The following MAGI3 variants were observed in gnomAD, a reference collection of about 807,000 sequenced individuals.
MAGI3 encodes the protein membrane associated guanylate kinase, WW and PDZ domain containing 3.
A neutral mutation model predicts 121.8 loss-of-function variants in MAGI3; 43 were observed. The observed-to-expected ratio is 0.35, with a 90% CI of 0.28 to 0.46. The LOEUF is 0.46. Ranked by LOEUF, MAGI3 falls within the 20% of genes least tolerant of loss-of-function variation. The pLI is 1.00. For missense variants in MAGI3, 1,547 were observed against 1,797.3 expected, an observed-to-expected ratio of 0.86 and a Z score of 2.52; for synonymous variants, 553 against 639.3, an observed-to-expected ratio of 0.86 and a Z score of 2.04.
chr1:113,488,386 A>G (rs1187790509), intron 1 of MAGI3, among the ~76,000 whole-genome samples: 1 of 152,230 alleles, frequency 6.6e-6, no homozygotes, highest in African/African-American at 2.4e-5. Flanking sequence ...GGTCTTGCCC[A>G]TCAGATGAGG....
intron 3 of MAGI3, among the ~76,000 whole-genome samples, chr1:113,584,683 AC>A (rs1254899344): frequency 6.6e-6 from 1 of 152,036 alleles, no homozygotes; most frequent in Non-Finnish European, 1.5e-5. Flanking sequence ...ATCCTCATTT[AC>A]CCCCACCTTT....
rs1183571405 is a variant in MAGI3 at position 113,683,847 on chromosome 1, C to T, written c.4279C>T (p.His1427Tyr). The T allele has an allele frequency of 6.2e-7, 1 of 1,612,324 alleles. No individual in the cohort carries two copies. The highest frequency in any genetic ancestry group is 2.2e-5 in the East Asian group (1 of 44,846). The change falls in exon 21 of 21, where the codon CAC (histidine) becomes TAC (tyrosine). Residue 1427 changes from histidine to tyrosine, a missense_variant. Transcript: ENST00000307546. ...GGTAGTTTCAAACAAAACAGAAGAT[C>T]ACAAAGGGAAAGAACTAGAGGCAGC... ...EKVVSNKTEDHKGKELEAADK... is the reference protein window; with the variant it reads ...EKVVSNKTEDYKGKELEAADK...
chr1:113,469,444 A>G (rs1655440220), intron 1 of MAGI3, among the ~76,000 whole-genome samples: 1 of 152,246 alleles, frequency 6.6e-6, no homozygotes, highest in Admixed American at 6.5e-5. Context: ...TGGAATGAAG[A>G]AAGTTTACTT....
chr1:113,637,786 G>T (rs1570977961), intron 9 of MAGI3, among the ~76,000 whole-genome samples: 1 of 152,006 alleles, frequency 6.6e-6, no homozygotes, highest in African/African-American at 2.4e-5. Flanking sequence ...TGCCTTGCTA[G>T]GTTGGGGAAG....
rs1356830864 is a variant in MAGI3 at position 113,391,383 on chromosome 1, T to C, written c.316+34T>C. 6 of 1,561,900 alleles carry C rather than the reference T, an allele frequency of 3.8e-6. No individual in the cohort carries two copies. The East Asian group carries it at 1.4e-4, about 38-fold the overall frequency. ...GCCCTGCGTATCTGTCTCGGGGTGT[T>C]GGGGAGAGGGGCTTCAGGGTGGGCG... On this transcript the variant is annotated intron_variant, in intron 1 of 20. Coordinates refer to ENST00000307546, the MANE Select transcript of MAGI3 (RefSeq NM_001142782.2). The surrounding 1 kb of genome is among the most constrained non-coding windows in gnomAD (Gnocchi z 4.4).
intron 2 of MAGI3, among the ~76,000 whole-genome samples, chr1:113,553,407 A>T (rs978227364): frequency 5.3e-5 from 8 of 152,180 alleles, no homozygotes; most frequent in Non-Finnish European, 1.0e-4. Context: ...GTGGCTGAAT[A>T]CTAAGCTGAG....
intron 1 of MAGI3, among the ~76,000 whole-genome samples, chr1:113,446,335 A>T (rs1294179105): frequency 1.3e-5 from 2 of 152,226 alleles, no homozygotes; most frequent in Non-Finnish European, 2.9e-5. Context: ...TAACTTTAGC[A>T]TGTTAAATGT....
intron 2 of MAGI3, among the ~76,000 whole-genome samples, chr1:113,550,714 C>T (rs1659746692): frequency 6.6e-6 from 1 of 150,638 alleles, no homozygotes; most frequent in African/African-American, 2.4e-5. Context: ...CGAGATCATG[C>T]CGTTGCACTC....
intron 1 of MAGI3, among the ~76,000 whole-genome samples, chr1:113,486,507 T>C (rs1483984762): frequency 6.6e-6 from 1 of 152,186 alleles, no homozygotes; most frequent in Non-Finnish European, 1.5e-5. Flanking sequence ...TTGATTTGAT[T>C]CTCAGTCAAG....
intron 19 of MAGI3, among the ~76,000 whole-genome samples, chr1:113,679,111 T>A (rs946394283): frequency 1.3e-5 from 2 of 152,208 alleles, no homozygotes; most frequent in Non-Finnish European, 2.9e-5. Context: ...AACTTTTTTT[T>A]AATAAGTTCA....
chr1:113,608,440 T>C (rs1286948363), intron 6 of MAGI3, among the ~76,000 whole-genome samples: 3 of 152,182 alleles, frequency 2.0e-5, no homozygotes, highest in African/African-American at 7.2e-5. Flanking sequence ...GAAGTCAGAA[T>C]GTCAGCAAAT....
Position 113,585,652 on chromosome 1 carries a change from C to T in MAGI3, c.763+56C>T, listed in dbSNP as rs1648322633. ...ATCTTCTAGATTGATTTTACTATTA[C>T]GTTGAATTAAAAGCACTAAAATTTT... On this transcript the variant is annotated intron_variant, in intron 4 of 20. Coordinates refer to ENST00000307546, the MANE Select transcript of MAGI3 (RefSeq NM_001142782.2). The T allele has an allele frequency of 8.2e-6, 12 of 1,464,820 alleles. No homozygotes were observed. The South Asian group carries it at 1.5e-4, about 19-fold the overall frequency. 90.7% of individuals were successfully genotyped at this position (1,464,820 alleles called of 1,614,324 possible).
At chr1:113,496,581 G>T (rs1274231504) in intron 1 of MAGI3, among the ~76,000 whole-genome samples, 1 of 152,010 alleles carries the variant, frequency 6.6e-6, no homozygotes, top group Non-Finnish European at 1.5e-5. Context: ...TCAGTTTCTT[G>T]TTTGTTTATC....
intron 15 of MAGI3, among the ~76,000 whole-genome samples, chr1:113,657,978 T>G (rs911045614): frequency 2.0e-5 from 3 of 152,218 alleles, no homozygotes; most frequent in African/African-American, 7.2e-5. Context: ...TAAATGTCCC[T>G]TACATACTCC....
Position 113,653,311 on chromosome 1 carries a change from A to G in MAGI3, c.2441-519A>G, listed in dbSNP as rs540361132. ...TTTTAGGAAGAATTTTTTTACTATC[A>G]AATCTCACAGAAACTTTGAAAAGCT... On this transcript the variant is annotated intron_variant, in intron 14 of 20. Coordinates refer to ENST00000307546, the MANE Select transcript of MAGI3 (RefSeq NM_001142782.2). Among the ~76,000 whole-genome samples, 21 of 152,310 alleles carry G rather than the reference A, an allele frequency of 1.4e-4. No individual in the cohort carries two copies. The South Asian group carries it at 4.1e-3, about 30-fold the overall frequency.
At chr1:113,667,884 G>A (rs1348383148) in intron 16 of MAGI3, among the ~76,000 whole-genome samples, 2 of 152,154 alleles carry the variant, frequency 1.3e-5, no homozygotes, top group Non-Finnish European at 2.9e-5. Context: ...GGAGAAAGAT[G>A]GGGAAAGGCT....
chr1:113,447,059 A>G (rs998621916), intron 1 of MAGI3, among the ~76,000 whole-genome samples: 1 of 152,208 alleles, frequency 6.6e-6, no homozygotes. Context: ...TGTAATAAAA[A>G]TGTTTTGAAT....
intron 16 of MAGI3, among the ~76,000 whole-genome samples, chr1:113,660,506 A>G (rs1362713853): frequency 6.6e-6 from 1 of 151,756 alleles, no homozygotes; most frequent in Non-Finnish European, 1.5e-5. Flanking sequence ...AGCACCTCCT[A>G]TCTCTGCACT....
chr1:113,470,411 G>A (rs1300450108), intron 1 of MAGI3, among the ~76,000 whole-genome samples: 5 of 152,090 alleles, frequency 3.3e-5, no homozygotes, highest in Admixed American at 3.3e-4. Context: ...TTTCAAAAAA[G>A]TATGAAGTTT....
Sources: allele counts gnomAD v4.1 joint callset (sites outside exome capture counted in the v4.1 genomes callset), GRCh38; gene constraint gnomAD v4.1.1; non-coding constraint Gnocchi (gnomAD v3.1); transcripts MANE v1.5; gene names NCBI Gene and HGNC (gene_info 2026-07-23, HGNC 2026-07-21).